The following CDSN variants were observed in gnomAD, a reference collection of about 807,000 sequenced individuals.
The protein encoded by CDSN is corneodesmosin.
CDSN carries 11 observed loss-of-function variants against 25.6 expected under a neutral mutation model. That is an observed-to-expected ratio of 0.43 (90% CI 0.27 to 0.71). The LOEUF (loss-of-function observed/expected upper bound fraction) is 0.71, where lower values mean the gene tolerates loss of function less well. CDSN is among the 30% of genes least tolerant of loss of function. The pLI, the probability that CDSN is intolerant of heterozygous loss-of-function variation, is 0.20. For synonymous variants in CDSN, 266 were observed against 267.4 expected (o/e 0.99, Z 0.05); for missense variants, 598 against 670.9 (o/e 0.89, Z 1.20).
Position 31,120,443 on chromosome 6 carries a change from T to G in CDSN, c.-24A>C. The G allele has an allele frequency of 6.4e-7, 1 of 1,554,152 alleles. No individual in the cohort carries two copies. Among genetic ancestry groups the G allele is most frequent in the Non-Finnish European group, 8.7e-7 (1 of 1,146,080 alleles). ...ATCTCGGACTGCACGGCCTCCTGAC[T>G]GATGGCAGCTCAAGGACACCCGGGT... is the stretch of plus-strand genomic sequence containing the variant. On this transcript the variant is annotated 5_prime_UTR_variant, in exon 1 of 2. Coordinates refer to ENST00000376288, the MANE Select transcript of CDSN (RefSeq NM_001264.5).
At chr6:31,120,170 G>A (rs1562756780) in intron 1 of CDSN, among the ~76,000 whole-genome samples, 165 bp downstream of exon 1, 2 of 152,058 alleles carry the variant, frequency 1.3e-5, no homozygotes, top group Non-Finnish European at 2.9e-5. Context: ...TCAGAAACTG[G>A]GGCTCAGGAA....
In CDSN at chr6:31,116,791, T is replaced by C. The variant is rs1562751779; in HGVS notation, c.824A>G (p.Asn275Ser). Reference sequence around the variant, plus strand: ...ACAGGGCTTGCCTGGAAGGCCACCATTGCTACAGGGGGGACCTTGAACCAC... The same window carrying C: ...ACAGGGCTTGCCTGGAAGGCCACCACTGCTACAGGGGGGACCTTGAACCAC... ...PGVVQGPPCS[N>S]GGLPGKPCPP... is the part of the protein sequence containing the mutation. Residue 275 changes from asparagine to serine, a missense_variant, in exon 2 of 2, where the codon AAT becomes AGT. Asn to Ser is a conservative substitution (Grantham distance 46). Coordinates refer to ENST00000376288, the MANE Select transcript of CDSN (RefSeq NM_001264.5). The C allele has an allele frequency of 6.2e-7, 1 of 1,613,666 alleles. No individual in the cohort carries two copies. The highest frequency in any genetic ancestry group is 1.7e-5 in the Admixed American group (1 of 60,004).
In CDSN at chr6:31,115,901, C is replaced by A. The variant is rs1772081632; in HGVS notation, c.*124G>T. The A allele has an allele frequency of 4.8e-6, 4 of 833,118 alleles. No individual in the cohort carries two copies. Among genetic ancestry groups the A allele is most frequent in the Non-Finnish European group, 8.0e-6 (4 of 500,814 alleles). The allele number at this position is 833,118 out of a possible 1,614,324, so 51.6% of individuals were successfully genotyped here. Reference sequence around the variant, plus strand: ...CTTGGGGTAGTGGAGAAAGCAGAACCACTCTTTTGGGAAGGAGGGAAACTG... The same window carrying A: ...CTTGGGGTAGTGGAGAAAGCAGAACAACTCTTTTGGGAAGGAGGGAAACTG... On this transcript the variant is annotated 3_prime_UTR_variant, in exon 2 of 2. Coordinates refer to ENST00000376288, the MANE Select transcript of CDSN (RefSeq NM_001264.5). This position sits in a 1 kb window ranked among gnomAD's most constrained non-coding sequence, Gnocchi z 4.2.
Position 31,117,525 on chromosome 6 carries a change from G to C in CDSN, c.90C>G (p.Thr30=). ...LLLAGLLLPG[T]LAKSIGTFSD... is the part of the protein sequence containing the mutation. ...AGAAGGTGCCAATGCTCTTAGCCAA[G>C]GTCCCTGTGGAGGAAAGCAGTGGTT... Residue 30 remains threonine (T), a synonymous_variant, in exon 2 of 2, where the codon ACC becomes ACG. Coordinates refer to ENST00000376288, the MANE Select transcript of CDSN (RefSeq NM_001264.5). 1 of 1,550,084 alleles carries C rather than the reference G, an allele frequency of 6.5e-7. No homozygotes were observed. Among genetic ancestry groups the C allele is most frequent in the African/African-American group, 1.4e-5 (1 of 73,158 alleles).
rs942054023 is a variant in CDSN at position 31,116,082 on chromosome 6, G to A, written c.1533C>T (p.Pro511=). The change falls in exon 2 of 2, where the codon CCC becomes CCT. Residue 511 remains proline (P), a synonymous_variant. Coordinates refer to ENST00000376288, the MANE Select transcript of CDSN (RefSeq NM_001264.5). ...GGAAAACTTCAGGGTCAGCTAGCTGGGGCCCCAGAGGCTTCACTTGGGCTA... is the reference window on the plus strand; with the variant it reads ...GGAAAACTTCAGGGTCAGCTAGCTGAGGCCCCAGAGGCTTCACTTGGGCTA... ...DILAQVKPLG[P]QLADPEVFLP... 1.2e-6 allele frequency: 2 copies of A among 1,611,908 alleles called. No individual in the cohort carries two copies. Among genetic ancestry groups the A allele is most frequent in the African/African-American group, 2.7e-5 (2 of 74,888 alleles).
chr6:31,117,134 A>G lies in CDSN; in HGVS notation c.481T>C (p.Phe161Leu). The G allele has an allele frequency of 6.2e-7, 1 of 1,612,116 alleles. No individual in the cohort carries two copies. Among genetic ancestry groups the G allele is most frequent in the Middle Eastern group, 1.6e-4 (1 of 6,062 alleles). ...SSSHSSSSSSFQFSSSSFQVG... is the reference protein window; with the variant it reads ...SSSHSSSSSSLQFSSSSFQVG... ...TGGAAGCTGCTGCTGCTGAACTGAA[A>G]GCTGCTGCTGCTGCTCGAATGAGAG... The change falls in exon 2 of 2, where the codon TTT (phenylalanine) becomes CTT (leucine). Residue 161 changes from phenylalanine (F) to leucine (L), a missense_variant. Phe to Leu is a conservative substitution (Grantham distance 22, BLOSUM62 0). Coordinates refer to ENST00000376288, the MANE Select transcript of CDSN (RefSeq NM_001264.5).
Position 31,116,382 on chromosome 6 carries a change from G to T in CDSN, c.1233C>A (p.Pro411=), listed in dbSNP as rs536731330. Residue 411 remains proline (P), a synonymous_variant, in exon 2 of 2, where the codon CCC becomes CCA. Coordinates refer to ENST00000376288, the MANE Select transcript of CDSN (RefSeq NM_001264.5). ...GGGAAGCACTGCCGCAGGGATGGTA[G>T]GGTAAACCGGAGCTGCTGGAAATGC... The part of the protein sequence containing the change: ...SSSISSSSGL[P]YHPCGSASQS... 1 of 1,606,360 alleles carries T rather than the reference G, an allele frequency of 6.2e-7. No individual in the cohort carries two copies. The highest frequency in any genetic ancestry group is 8.5e-7 in the Non-Finnish European group (1 of 1,176,362).
Position 31,117,321 on chromosome 6 carries a change from G to C in CDSN, c.294C>G (p.Ala98=), listed in dbSNP as rs781385440. 1.3e-6 allele frequency: 2 copies of C among 1,583,226 alleles called. No individual in the cohort carries two copies. The highest frequency in any genetic ancestry group is 2.3e-5 in the South Asian group (2 of 87,098). ...SSGSSSGSSI[A]QGGSAGSFKP... is the part of the protein sequence containing the mutation. ...TAAAAGATCCTGCAGAACCACCCTG[G>C]GCAATGCTGGATCCGCTGGAGCTAC... Residue 98 remains alanine (A), a synonymous_variant, in exon 2 of 2, where the codon GCC becomes GCG. Transcript: ENST00000376288.
chr6:31,118,059 G>A (rs140436175), intron 1 of CDSN: 342 of 157,200 alleles, frequency 2.2e-3, no homozygotes, highest in South Asian at 4.1e-3. Flanking sequence ...GAGGAGTCCA[G>A]GCGTAAATTC....
chr6:31,116,724 C>T lies in CDSN; in HGVS notation c.891G>A (p.Glu297=). The T allele has an allele frequency of 6.2e-7, 1 of 1,612,886 alleles. No individual in the cohort carries two copies. Among genetic ancestry groups the T allele is most frequent in the African/African-American group, 1.3e-5 (1 of 75,032 alleles). The change falls in exon 2 of 2, where the codon GAG becomes GAA. Residue 297 remains glutamate (E), a synonymous_variant. Coordinates refer to ENST00000376288, the MANE Select transcript of CDSN (RefSeq NM_001264.5). ...AACTGTCAGAGGAGCCACCCACCAC[C>T]TCGTAGCCACCATAGGATTTGTCTA... is the stretch of plus-strand genomic sequence containing the variant. The part of the protein sequence containing the change: ...TSVDKSYGGY[E]VVGGSSDSYL...
chr6:31,118,090 CAG>C (rs1772266774), intron 1 of CDSN: 1 of 155,780 alleles, frequency 6.4e-6, no homozygotes, highest in East Asian at 1.9e-4. Flanking sequence ...AATCCTGGGC[CAG>C]ACAGTGGGAC....
At position 31,115,379 on chromosome 6, in the gene CDSN, A is replaced by G. The variant is rs1042147; in HGVS notation, c.*646T>C. ...TCTCCCTCACCCAGGGAATCATCTG[A>G]GCACTGAGGGAAGTGGCCACAGGAA... On this transcript the variant is annotated 3_prime_UTR_variant, in exon 2 of 2. Transcript: ENST00000376288. This position sits in a 1 kb window ranked among gnomAD's most constrained non-coding sequence, Gnocchi z 4.2. The G allele has an allele frequency of 0.57, 99,441 of 174,140 alleles. 29,147 individuals carry two copies. The highest frequency in any genetic ancestry group is 0.71 in the East Asian group (4,432 of 6,270). The allele number at this position is 174,140 out of a possible 1,614,324, so 10.8% of individuals were successfully genotyped here. A position where few individuals can be genotyped will look rare whatever the true frequency, so the allele number is the denominator to read the frequency against.
At position 31,116,371 on chromosome 6, in the gene CDSN, C is replaced by T. The variant is rs780847309; in HGVS notation, c.1244G>A (p.Cys415Tyr). The T allele has an allele frequency of 6.2e-7, 1 of 1,609,800 alleles. No individual in the cohort carries two copies. The highest frequency in any genetic ancestry group is 1.1e-5 in the South Asian group (1 of 90,566). Residue 415 changes from cysteine to tyrosine, a missense_variant, in exon 2 of 2, where the codon TGC (cysteine) becomes TAC (tyrosine). By Grantham distance (194) the Cys-to-Tyr change is radical. Coordinates refer to ENST00000376288, the MANE Select transcript of CDSN (RefSeq NM_001264.5). ...GCAGGGGCTCTGGGAAGCACTGCCG[C>T]AGGGATGGTAGGGTAAACCGGAGCT... ...SSSSGLPYHPCGSASQSPCSP... is the reference protein window; with the variant it reads ...SSSSGLPYHPYGSASQSPCSP...
chr6:31,116,759 T>G lies in CDSN; in HGVS notation c.856A>C (p.Ile286Leu). 6.2e-7 allele frequency: 1 copy of G among 1,613,084 alleles called. No homozygotes were observed. Among genetic ancestry groups the G allele is most frequent in the Non-Finnish European group, 8.5e-7 (1 of 1,180,002 alleles). Residue 286 changes from isoleucine to leucine, a missense_variant, in exon 2 of 2, where the codon ATC becomes CTC. Coordinates refer to ENST00000376288, the MANE Select transcript of CDSN (RefSeq NM_001264.5). Reference protein sequence around the residue: ...GGLPGKPCPPITSVDKSYGGY... With the variant: ...GGLPGKPCPPLTSVDKSYGGY... Reference sequence around the variant, plus strand: ...CCATAGGATTTGTCTACAGAGGTGATTGGGGGACAGGGCTTGCCTGGAAGG... The same window carrying G: ...CCATAGGATTTGTCTACAGAGGTGAGTGGGGGACAGGGCTTGCCTGGAAGG...
At chr6:31,119,704 C>G (rs897004259) in intron 1 of CDSN, among the ~76,000 whole-genome samples, 4 of 152,038 alleles carry the variant, frequency 2.6e-5, no homozygotes, top group African/African-American at 9.7e-5. Flanking sequence ...TCAAGACCAG[C>G]TTGACCAAAA....
rs1489553144 is a variant in CDSN, at chr6:31,115,838, GAGGA to G, written c.*183_*186del. The G allele has an allele frequency of 3.4e-6, 2 of 595,116 alleles. No individual in the cohort carries two copies. Among genetic ancestry groups the G allele is most frequent in the Non-Finnish European group, 6.0e-6 (2 of 332,974 alleles). 36.9% of individuals were successfully genotyped at this position (595,116 alleles called of 1,614,324 possible). A position where few individuals can be genotyped will look rare whatever the true frequency, so the allele number is the denominator to read the frequency against. On this transcript the variant is annotated 3_prime_UTR_variant, in exon 2 of 2. Coordinates refer to ENST00000376288, the MANE Select transcript of CDSN (RefSeq NM_001264.5). This position sits in a 1 kb window ranked among gnomAD's most constrained non-coding sequence, Gnocchi z 4.2. ...AGCTTTGAATCTACCATTTTGAGAA[GAGGA>G]AGGAGGAAGGGGTGATAAGAGAGAG...
chr6:31,116,523 G>A lies in CDSN; in HGVS notation c.1092C>T (p.Ser364=). 6.2e-7 allele frequency: 1 copy of A among 1,613,376 alleles called. No individual in the cohort carries two copies. The part of the protein sequence containing the change: ...NPIIPSQSAA[S]SAIAFQPVGT... ...CCACTGGCTGGAATGCAATGGCCGA[G>A]GAAGCTGCCGACTGGCTGGGGATGA... Residue 364 remains serine (S), a synonymous_variant, in exon 2 of 2, where the codon TCC becomes TCT. Transcript: ENST00000376288.
rs33941312 is a variant in CDSN, at chr6:31,116,414, T to C, written c.1201A>G (p.Ser401Gly). The change falls in exon 2 of 2, where the codon AGT (serine) becomes GGT (glycine). Residue 401 changes from serine (S) to glycine (G), a missense_variant. Coordinates refer to ENST00000376288, the MANE Select transcript of CDSN (RefSeq NM_001264.5). ...CSPSSSRVPSSSSISSSSGLP... is the reference protein window; with the variant it reads ...CSPSSSRVPSGSSISSSSGLP... ...CCGGAGCTGCTGGAAATGCTAGAAC[T>C]GCTGGGGACTCGAGAACTGGAGGGA... The C allele has an allele frequency of 0.02, 31,407 of 1,593,880 alleles. 426 individuals carry two copies. Among genetic ancestry groups the C allele is most frequent in the Middle Eastern group, 0.023 (140 of 6,030 alleles).
chr6:31,119,543 T>C (rs574533739), intron 1 of CDSN, among the ~76,000 whole-genome samples: 1 of 152,198 alleles, frequency 6.6e-6, no homozygotes, highest in African/African-American at 2.4e-5. Flanking sequence ...TGAGCCTCAG[T>C]GTCCTCATCT....
Sources: allele counts gnomAD v4.1 joint callset (sites outside exome capture counted in the v4.1 genomes callset), GRCh38; gene constraint gnomAD v4.1.1; non-coding constraint Gnocchi (gnomAD v3.1); transcripts MANE v1.5; gene names NCBI Gene and HGNC (gene_info 2026-07-23, HGNC 2026-07-21).